SLC35F3: variants seen among roughly 807,000 people sequenced by gnomAD.
The protein encoded by SLC35F3 is putative thiamine transporter SLC35F3.
A neutral mutation model predicts 49.9 loss-of-function variants in SLC35F3; 25 were observed. That is an observed-to-expected ratio of 0.50 (90% CI 0.37 to 0.70). The LOEUF is 0.70. Among genes scored for constraint, SLC35F3 ranks in the 30% least tolerant of loss-of-function variants. The pLI is 0.00. For missense variants in SLC35F3, 525 were observed against 639.8 expected, an observed-to-expected ratio of 0.82 and a Z score of 1.94; for synonymous variants, 275 against 265.4, an observed-to-expected ratio of 1.04 and a Z score of -0.35.
intron 3 of SLC35F3, among the ~76,000 whole-genome samples, chr1:234,253,887 C>T (rs751879992): frequency 2.6e-5 from 4 of 152,166 alleles, no homozygotes; most frequent in Non-Finnish European, 5.9e-5. Flanking sequence ...GTCAATGTCA[C>T]TGTGAGGGGT....
At chr1:233,919,382 T>G (rs534194592) in intron 2 of SLC35F3, among the ~76,000 whole-genome samples, 1 of 152,320 alleles carries the variant, frequency 6.6e-6, no homozygotes, top group East Asian at 1.9e-4. Context: ...CACATCACTG[T>G]CCCTCAGATA....
At chr1:234,300,247 T>C (rs1668673300) in intron 3 of SLC35F3, among the ~76,000 whole-genome samples, 1 of 152,244 alleles carries the variant, frequency 6.6e-6, no homozygotes, top group South Asian at 2.1e-4. Context: ...AAATTTTGAA[T>C]GATGGCATGC....
In SLC35F3 at chr1:234,205,505, G is replaced by A. The variant is rs184795450; in HGVS notation, c.284-25912G>A. On this transcript the variant is annotated intron_variant, in intron 2 of 7. Transcript: ENST00000366618. ...AGAACAGCTAGCACCAGGAATGCTG[G>A]AGTTGTACTTGAACTCCCTCCCACT... is the stretch of plus-strand genomic sequence containing the variant. Among the ~76,000 whole-genome samples, 41 of 152,270 alleles carry A rather than the reference G, an allele frequency of 2.7e-4. No individual in the cohort carries two copies. The South Asian group carries it at 7.1e-3, about 26-fold the overall frequency.
chr1:234,006,279 G>GT (rs1158473473), intron 2 of SLC35F3, among the ~76,000 whole-genome samples: 2 of 152,090 alleles, frequency 1.3e-5, no homozygotes, highest in African/African-American at 4.8e-5. Flanking sequence ...ACCAAGCCAC[G>GT]TAAGTTTATA....
chr1:234,248,693 T>G (rs151159126), intron 3 of SLC35F3, among the ~76,000 whole-genome samples: 2 of 152,342 alleles, frequency 1.3e-5, no homozygotes, highest in African/African-American at 4.8e-5. Context: ...CACTCAGATT[T>G]TTCCCAGGCT....
At chr1:234,246,673 T>C (rs187513019) in intron 3 of SLC35F3, among the ~76,000 whole-genome samples, 1 of 152,294 alleles carries the variant, frequency 6.6e-6, no homozygotes, top group Admixed American at 6.5e-5. Flanking sequence ...AACACAGTCA[T>C]GTATAACCCA....
intron 2 of SLC35F3, among the ~76,000 whole-genome samples, chr1:233,959,130 G>T (rs10910316): frequency 1.3e-5 from 2 of 151,848 alleles, no homozygotes; most frequent in African/African-American, 4.8e-5. Context: ...ATTGACCTTT[G>T]TGTGTTTGAG....
chr1:234,275,740 T>C (rs1268505052), intron 3 of SLC35F3, among the ~76,000 whole-genome samples: 1 of 127,164 alleles, frequency 7.9e-6, no homozygotes, highest in African/African-American at 3.1e-5. Context: ...TGAAACATCA[T>C]TGGTAAGTAT....
At chr1:234,174,645 T>C (rs12090243) in intron 2 of SLC35F3, among the ~76,000 whole-genome samples, 7,979 of 152,248 alleles carry the variant, frequency 0.052, 654 homozygotes, top group African/African-American at 0.18. Context: ...TATAAACATC[T>C]CTGTGTGTGC....
intron 2 of SLC35F3, among the ~76,000 whole-genome samples, chr1:234,040,208 G>C (rs956929408): frequency 1.4e-4 from 22 of 152,128 alleles, no homozygotes; most frequent in African/African-American, 5.3e-4. Flanking sequence ...CTGAAGTCAA[G>C]TTGCCTCTCT....
intron 2 of SLC35F3, among the ~76,000 whole-genome samples, chr1:234,188,758 A>T (rs982747066): frequency 3.9e-5 from 6 of 152,062 alleles, no homozygotes; most frequent in Admixed American, 6.5e-5. Flanking sequence ...GAACTACAAT[A>T]AACAACAATA....
intron 2 of SLC35F3, among the ~76,000 whole-genome samples, chr1:234,123,080 C>T (rs1158235765): frequency 6.6e-6 from 1 of 152,220 alleles, no homozygotes. Context: ...TTTGTACTCC[C>T]ACCAACAGTA....
chr1:234,279,803 G>A (rs1304556984), intron 3 of SLC35F3, among the ~76,000 whole-genome samples: 1 of 152,206 alleles, frequency 6.6e-6, no homozygotes, highest in Non-Finnish European at 1.5e-5. Flanking sequence ...ATGCTAATTT[G>A]TGAATTGGTC....
intron 2 of SLC35F3, among the ~76,000 whole-genome samples, chr1:233,910,723 G>A (rs1475833568): frequency 2.0e-5 from 3 of 152,188 alleles, no homozygotes; most frequent in South Asian, 4.1e-4. Context: ...TTTGAAGGGG[G>A]TCATGCTTAT....
intron 3 of SLC35F3, among the ~76,000 whole-genome samples, chr1:234,246,422 A>G (rs942275620): frequency 6.6e-6 from 1 of 152,232 alleles, no homozygotes; most frequent in African/African-American, 2.4e-5. Flanking sequence ...CAGGGCCTGT[A>G]TCAGTAAAGC....
At chr1:233,937,279 G>T (rs1662350219) in intron 2 of SLC35F3, among the ~76,000 whole-genome samples, 1 of 152,216 alleles carries the variant, frequency 6.6e-6, no homozygotes, top group Admixed American at 6.5e-5. Context: ...TTTAGAAAAT[G>T]ATATCTTTGA....
chr1:234,079,802 A>T (rs1038359966), intron 2 of SLC35F3, among the ~76,000 whole-genome samples: 1 of 152,208 alleles, frequency 6.6e-6, no homozygotes, highest in Non-Finnish European at 1.5e-5. Context: ...GAACCTTCAT[A>T]TATTGCTGGT....
chr1:233,905,884 AC>A, intron 2 of SLC35F3, 126 bp downstream of exon 2: 1 of 908,374 alleles, frequency 1.1e-6, no homozygotes, highest in Non-Finnish European at 1.7e-6. Context: ...GCTGATACAG[AC>A]CCAGGTTTGC....
intron 2 of SLC35F3, among the ~76,000 whole-genome samples, chr1:234,108,525 T>TTATATATATAAAAGATATATATTATTTA (rs542106247): frequency 1.4e-5 from 1 of 71,894 alleles, no homozygotes; most frequent in Non-Finnish European, 3.0e-5. Context: ...TATATATTAT[T>TTATATATATAAAAGATATATATTATTTA]TATATATAAA....
Sources: allele counts gnomAD v4.1 joint callset (sites outside exome capture counted in the v4.1 genomes callset), GRCh38; gene constraint gnomAD v4.1.1; transcripts MANE v1.5; gene names NCBI Gene and HGNC (gene_info 2026-07-23, HGNC 2026-07-21).